The following DGKB variants were observed in gnomAD, a reference collection of about 807,000 sequenced individuals.
DGKB encodes the protein 90 kDa diacylglycerol kinase.
In DGKB, 67 loss-of-function variants were observed where a neutral mutation model predicts 114.3. The ratio of observed to expected loss-of-function variants is 0.59; its 90% confidence interval spans 0.48 to 0.72. The LOEUF (loss-of-function observed/expected upper bound fraction) is 0.72. Ranked by LOEUF, DGKB falls within the 30% of genes least tolerant of loss-of-function variation. The probability of loss-of-function intolerance (pLI) is 0.00; values close to 1 mark genes in which losing one functional copy is unlikely to be tolerated. For missense variants in DGKB, 907 were observed against 975.2 expected (o/e 0.93, Z 0.93); for synonymous variants, 398 against 323.1 (o/e 1.23, Z -2.49).
intron 2 of DGKB, among the ~76,000 whole-genome samples, chr7:14,811,433 A>C (rs924249336): frequency 6.6e-6 from 1 of 152,208 alleles, no homozygotes; most frequent in South Asian, 2.1e-4. Context: ...TTTACTCAGA[A>C]TTACAAAATA....
chr7:14,153,568 C>G (rs1782540937), intron 25 of DGKB, among the ~76,000 whole-genome samples: 1 of 152,026 alleles, frequency 6.6e-6, no homozygotes, highest in South Asian at 2.1e-4. Flanking sequence ...AGTTGACTCT[C>G]AAATCTCCTG....
chr7:14,680,256 T>C lies in DGKB; in HGVS notation c.1035+2297A>G, dbSNP rs1820601577. ...ATTAATAATTTTGAACTTGGGGATTTAAGACATTTGCTGTTTATGTTGTGC... is the reference window on the plus strand; with the variant it reads ...ATTAATAATTTTGAACTTGGGGATTCAAGACATTTGCTGTTTATGTTGTGC... On this transcript the variant is annotated intron_variant, in intron 12 of 25. Transcript: ENST00000402815. Among the ~76,000 whole-genome samples the C allele has an allele frequency of 2.0e-5, 3 of 151,956 alleles. No homozygotes were observed. The South Asian group carries it at 6.2e-4, about 31-fold the overall frequency.
In DGKB at chr7:14,149,059, A is replaced by C. The variant is rs1244240516; in HGVS notation, c.*72T>G. 7.5e-7 allele frequency: 1 copy of C among 1,342,134 alleles called. No homozygotes were observed. The highest frequency in any genetic ancestry group is 1.1e-6 in the Non-Finnish European group (1 of 934,642). 83.1% of individuals were successfully genotyped at this position (1,342,134 alleles called of 1,614,324 possible). A position where few individuals can be genotyped will look rare whatever the true frequency, so the allele number is the denominator to read the frequency against. On this transcript the variant is annotated 3_prime_UTR_variant, in exon 26 of 26. Coordinates refer to ENST00000402815, the MANE Select transcript of DGKB (RefSeq NM_001350709.2). The stretch of plus-strand genomic sequence containing the variant: ...ATGAGCAGGAGACTTGAAATGGTTC[A>C]AAGATTTCCAGCATATGTGTTCCAT...
At chr7:14,192,217 T>C (rs1296473398) in intron 23 of DGKB, 1 of 219,204 alleles carries the variant, frequency 4.6e-6, no homozygotes, top group Non-Finnish European at 9.2e-6. Flanking sequence ...AAGAAAACTC[T>C]AAAGACTCCA....
At chr7:14,880,242 C>T (rs533527903) in intron 1 of DGKB, among the ~76,000 whole-genome samples, 14 of 184 alleles carry the variant, frequency 0.076, no homozygotes, top group Non-Finnish European at 0.12. Context: ...AGGCGGATCA[C>T]AAGCCAGGAG....
intron 20 of DGKB, among the ~76,000 whole-genome samples, chr7:14,565,152 G>T (rs545732765): frequency 4.6e-5 from 7 of 152,046 alleles, no homozygotes; most frequent in Non-Finnish European, 1.0e-4. Flanking sequence ...TGCATCAAGA[G>T]GTTTGCATTG....
intron 21 of DGKB, among the ~76,000 whole-genome samples, chr7:14,477,314 T>C (rs1782329085): frequency 6.6e-6 from 1 of 152,224 alleles, no homozygotes; most frequent in South Asian, 2.1e-4. Context: ...ATAACATTTA[T>C]GGCAAGATGT....
chr7:14,877,937 C>T (rs989008904), intron 1 of DGKB, among the ~76,000 whole-genome samples: 1 of 151,862 alleles, frequency 6.6e-6, no homozygotes, highest in Non-Finnish European at 1.5e-5. Context: ...ATCTTTAGTG[C>T]CAATTTTTAT....
At chr7:14,337,639 T>A (rs1022528003) in intron 23 of DGKB, among the ~76,000 whole-genome samples, 15 of 152,104 alleles carry the variant, frequency 9.9e-5, no homozygotes, top group African/African-American at 3.4e-4. Flanking sequence ...TTCTATTTCA[T>A]TTTTTAGTAA....
At chr7:14,953,895 C>T (rs968699774) in intron 1 of DGKB, among the ~76,000 whole-genome samples, 1 of 152,028 alleles carries the variant, frequency 6.6e-6, no homozygotes, top group Non-Finnish European at 1.5e-5. Flanking sequence ...AATGTATGGG[C>T]CCCCAGACCT....
chr7:14,670,252 T>C (rs1376511039), intron 13 of DGKB, among the ~76,000 whole-genome samples: 3 of 151,572 alleles, frequency 2.0e-5, no homozygotes, highest in Non-Finnish European at 2.9e-5. Flanking sequence ...TAAGAGCACC[T>C]AGTCTCTTGG....
In DGKB at chr7:14,850,303, A is replaced by T. The variant is rs551099837; in HGVS notation, c.-187-8853T>A. On this transcript the variant is annotated intron_variant, in intron 1 of 25. Transcript: ENST00000402815. Reference sequence around the variant, plus strand: ...ATGATTGTGAGAAGCAGAGAGACAGAAGTAGTTATCCAGAGAAAAAATATG... The same window carrying T: ...ATGATTGTGAGAAGCAGAGAGACAGTAGTAGTTATCCAGAGAAAAAATATG... 3.8e-3 allele frequency among the ~76,000 whole-genome samples: 584 copies of T among 152,044 alleles called. 4 individuals are homozygous for T. The highest frequency in any genetic ancestry group is 0.02 in the Middle Eastern group (6 of 294).
chr7:14,417,977 T>G (rs1167185828), intron 21 of DGKB, among the ~76,000 whole-genome samples: 2 of 151,288 alleles, frequency 1.3e-5, no homozygotes, highest in Admixed American at 6.6e-5. Flanking sequence ...TAAACATAAG[T>G]AAACTTGAGT....
intron 16 of DGKB, among the ~76,000 whole-genome samples, chr7:14,612,547 T>A (rs1031935267): frequency 6.6e-6 from 1 of 152,080 alleles, no homozygotes; most frequent in African/African-American, 2.4e-5. Context: ...TAGAAAAAAA[T>A]TACTTTATTC....
intron 17 of DGKB, among the ~76,000 whole-genome samples, chr7:14,590,275 A>G (rs977871040): frequency 2.6e-5 from 4 of 152,070 alleles, no homozygotes; most frequent in Non-Finnish European, 4.4e-5. Context: ...TTTTCCAGCT[A>G]TACTTCTGTA....
rs147987979 is a variant in DGKB, at chr7:14,483,254, G to C, written c.1771-5029C>G. On this transcript the variant is annotated intron_variant, in intron 20 of 25. Transcript: ENST00000402815. ...TCTACATTGCACTTTCTTTTTGCGGGAATAGGAATGCGTACAACTGTGATA... is the reference window on the plus strand; with the variant it reads ...TCTACATTGCACTTTCTTTTTGCGGCAATAGGAATGCGTACAACTGTGATA... Among the ~76,000 whole-genome samples, 44 of 152,146 alleles carry C rather than the reference G, an allele frequency of 2.9e-4. No individual in the cohort carries two copies. In the East Asian group the frequency reaches 7.7e-3, roughly 27 times the overall value.
rs1171663702 is a variant in DGKB, at chr7:14,708,981, A to C, written c.467-7251T>G. 6.0e-5 allele frequency among the ~76,000 whole-genome samples: 9 copies of C among 150,858 alleles called. No individual in the cohort carries two copies. The South Asian group carries it at 1.9e-3, about 32-fold the overall frequency. ...TTGACAAATCGGATCTAATTAAACT[A>C]AAGAGCTTCTGCACAGCAAAAGAAA... On this transcript the variant is annotated intron_variant, in intron 6 of 25. Transcript: ENST00000402815.
At chr7:14,214,151 A>G (rs1234987518) in intron 23 of DGKB, among the ~76,000 whole-genome samples, 1 of 152,096 alleles carries the variant, frequency 6.6e-6, no homozygotes, top group Non-Finnish European at 1.5e-5. Flanking sequence ...ATCTGATCAC[A>G]TGGCTTCCTT....
At chr7:14,263,068 A>G (rs189702763) in intron 23 of DGKB, among the ~76,000 whole-genome samples, 2 of 152,230 alleles carry the variant, frequency 1.3e-5, no homozygotes, top group African/African-American at 4.8e-5. Flanking sequence ...AAAGGGATTC[A>G]TTAAGAATTG....
Sources: gnomAD v4.1 joint callset for allele counts (sites outside exome capture counted in the v4.1 genomes callset) on GRCh38, gnomAD v4.1.1 for gene constraint, MANE v1.5 for transcripts, NCBI Gene and HGNC (gene_info 2026-07-23, HGNC 2026-07-21) for gene names.